Variants in PDLIM5 observed in about 807,000 individuals in gnomAD.
The protein encoded by PDLIM5 is PDZ and LIM domain protein 5.
A neutral mutation model predicts 64.2 loss-of-function variants in PDLIM5; 34 were observed. The ratio of observed to expected loss-of-function variants is 0.53; its 90% CI spans 0.40 to 0.71. The LOEUF (loss-of-function observed/expected upper bound fraction) is 0.71. Ranked by LOEUF, PDLIM5 falls within the 30% of genes least tolerant of loss-of-function variation. PDLIM5 has a pLI of 0.00. For synonymous variants in PDLIM5, 253 were observed against 269.1 expected (o/e 0.94, Z 0.59); for missense variants, 683 against 733.6 (o/e 0.93, Z 0.80).
At chr4:94,452,905 C>G (rs1722992715) in intron 1 of PDLIM5, among the ~76,000 whole-genome samples, 1 of 152,222 alleles carries the variant, frequency 6.6e-6, no homozygotes, top group Non-Finnish European at 1.5e-5. Flanking sequence ...TGCTTTCATC[C>G]TGTGCCTGTG....
chr4:94,529,784 A>C (rs924214048), intron 3 of PDLIM5, among the ~76,000 whole-genome samples: 2 of 152,174 alleles, frequency 1.3e-5, no homozygotes, highest in African/African-American at 4.8e-5. Flanking sequence ...CCTGGCCGTG[A>C]AACTAATTCT....
intron 5 of PDLIM5, among the ~76,000 whole-genome samples, chr4:94,576,967 G>T (rs1453317315): frequency 6.6e-6 from 1 of 152,026 alleles, no homozygotes; most frequent in Non-Finnish European, 1.5e-5. Context: ...GCCGTGAGAG[G>T]TTATGTACAG....
rs908315094 is a variant in PDLIM5, at chr4:94,647,407, A to C, written c.1283+6957A>C. Among the ~76,000 whole-genome samples the C allele has an allele frequency of 1.2e-4, 18 of 152,316 alleles. No individual in the cohort carries two copies. The South Asian group carries it at 3.5e-3, about 30-fold the overall frequency. Reference sequence around the variant, plus strand: ...CAAAAAAAATTACTAGAGACAGAGTAGTACATTTTATAATGATAAAAAGCT... The same window carrying C: ...CAAAAAAAATTACTAGAGACAGAGTCGTACATTTTATAATGATAAAAAGCT... On this transcript the variant is annotated intron_variant, in intron 9 of 12. Coordinates refer to ENST00000317968, the MANE Select transcript of PDLIM5 (RefSeq NM_006457.5).
At chr4:94,526,647 C>A (rs1005141036) in intron 3 of PDLIM5, among the ~76,000 whole-genome samples, 1 of 151,990 alleles carries the variant, frequency 6.6e-6, no homozygotes, top group African/African-American at 2.4e-5. Flanking sequence ...ATCTTTGATT[C>A]TTTTCTATAC....
At chr4:94,596,085 C>T (rs943115326) in intron 7 of PDLIM5, among the ~76,000 whole-genome samples, 6 of 152,110 alleles carry the variant, frequency 3.9e-5, no homozygotes, top group Admixed American at 1.3e-4. Context: ...ATGTAAAGGT[C>T]GCCATCTGTT....
At chr4:94,479,845 A>C (rs1578224564) in intron 2 of PDLIM5, among the ~76,000 whole-genome samples, 1 of 152,036 alleles carries the variant, frequency 6.6e-6, no homozygotes, top group East Asian at 1.9e-4. Context: ...CTGATTTTTT[A>C]ATCTTGGCAG....
chr4:94,600,830 G>A (rs1737431510), intron 7 of PDLIM5, among the ~76,000 whole-genome samples: 1 of 152,088 alleles, frequency 6.6e-6, no homozygotes, highest in African/African-American at 2.4e-5. Flanking sequence ...TATTATATTT[G>A]CATTTTGTAT....
intron 2 of PDLIM5, among the ~76,000 whole-genome samples, chr4:94,463,299 G>A (rs1195616591): frequency 6.6e-6 from 1 of 152,148 alleles, no homozygotes; most frequent in Non-Finnish European, 1.5e-5. Flanking sequence ...AAATCCATGT[G>A]TAACTTTTGA....
intron 7 of PDLIM5, among the ~76,000 whole-genome samples, chr4:94,613,532 A>G (rs563436475): frequency 2.0e-5 from 3 of 152,284 alleles, no homozygotes; most frequent in South Asian, 2.1e-4. Context: ...CTTTTGCTCT[A>G]TTAGTGTACT....
At chr4:94,489,197 G>A (rs1273931798) in intron 2 of PDLIM5, 1 of 152,120 alleles carries the variant, frequency 6.6e-6, no homozygotes, top group African/African-American at 2.4e-5. Flanking sequence ...GAATAGAATG[G>A]CTAATTGAGA....
chr4:94,487,838 G>A (rs1251832249), intron 2 of PDLIM5, among the ~76,000 whole-genome samples: 2 of 152,134 alleles, frequency 1.3e-5, no homozygotes, highest in African/African-American at 2.4e-5. Context: ...CTGGAACAGC[G>A]TTGCTTGGTT....
intron 3 of PDLIM5, among the ~76,000 whole-genome samples, chr4:94,557,374 G>A (rs1733439588): frequency 6.6e-6 from 1 of 152,184 alleles, no homozygotes; most frequent in African/African-American, 2.4e-5. Flanking sequence ...GCTTAGGATT[G>A]ACTTGGCAAT....
intron 2 of PDLIM5, among the ~76,000 whole-genome samples, chr4:94,486,073 G>A (rs1726309041): frequency 2.6e-5 from 4 of 152,054 alleles, no homozygotes; most frequent in African/African-American, 7.2e-5. Flanking sequence ...ATACATCTAA[G>A]TTCTGCCACC....
At chr4:94,614,012 G>A (rs1180357457) in intron 7 of PDLIM5, among the ~76,000 whole-genome samples, 1 of 146,478 alleles carries the variant, frequency 6.8e-6, no homozygotes, top group Non-Finnish European at 1.5e-5. Context: ...CACCAGGCTG[G>A]AGTGCAGTGG....
chr4:94,582,673 C>T lies in PDLIM5; in HGVS notation c.711-2892C>T, dbSNP rs745605580. On this transcript the variant is annotated intron_variant, in intron 5 of 12. Transcript: ENST00000317968. ...CTTCCGGGGAACATCAATGTCTTCT[C>T]TACTCTATCGCATCTTTTTTTGTGT... 2.4e-5 allele frequency: 35 copies of T among 1,430,266 alleles called. No homozygotes were observed. The Admixed American group carries it at 4.5e-4, about 18-fold the overall frequency. The allele number at this position is 1,430,266 out of a possible 1,614,324, so 88.6% of individuals were successfully genotyped here.
rs1743110851 is a variant in PDLIM5, at chr4:94,666,994, CT to C, written c.*2929del. 1 of 152,140 alleles carries C rather than the reference CT, an allele frequency of 6.6e-6. No homozygotes were observed. Among genetic ancestry groups the C allele is most frequent in the Non-Finnish European group, 1.5e-5 (1 of 68,020 alleles). 9.4% of individuals were successfully genotyped at this position (152,140 alleles called of 1,614,324 possible). ...TTAATAACTGGCAGAGCACTTTATTCTTCTGGTGAGCTCCCTGAATATTTAT... is the reference window on the plus strand; with the variant it reads ...TTAATAACTGGCAGAGCACTTTATTCTCTGGTGAGCTCCCTGAATATTTAT... On this transcript the variant is annotated 3_prime_UTR_variant, in exon 13 of 13. Coordinates refer to ENST00000317968, the MANE Select transcript of PDLIM5 (RefSeq NM_006457.5).
At position 94,665,370 on chromosome 4, in the gene PDLIM5, T is replaced by C. The variant is rs1010923763; in HGVS notation, c.*1303T>C. On this transcript the variant is annotated 3_prime_UTR_variant, in exon 13 of 13. Coordinates refer to ENST00000317968, the MANE Select transcript of PDLIM5 (RefSeq NM_006457.5). ...GGTGGGGCGTGCCTGTAGTCCCATG[T>C]ACTTGGGAGGCTGAGGCAGGAAAAT... 3.7e-6 allele frequency: 1 copy of C among 272,822 alleles called. No homozygotes were observed. The highest frequency in any genetic ancestry group is 5.6e-6 in the Non-Finnish European group (1 of 178,722). The allele number at this position is 272,822 out of a possible 1,614,324, so 16.9% of individuals were successfully genotyped here.
chr4:94,622,216 G>A (rs1560747122), intron 8 of PDLIM5, among the ~76,000 whole-genome samples: 1 of 151,386 alleles, frequency 6.6e-6, no homozygotes, highest in Non-Finnish European at 1.5e-5. Context: ...GCTTCCTGAT[G>A]CAAATGAAAA....
chr4:94,594,369 AG>A (rs1183062218), intron 7 of PDLIM5, among the ~76,000 whole-genome samples: 1 of 152,136 alleles, frequency 6.6e-6, no homozygotes, highest in Non-Finnish European at 1.5e-5. Context: ...TAGGTATATG[AG>A]ATGCTTAGTT....
Sources: allele counts gnomAD v4.1 joint callset (sites outside exome capture counted in the v4.1 genomes callset), GRCh38; gene constraint gnomAD v4.1.1; transcripts MANE v1.5; gene names NCBI Gene and HGNC (gene_info 2026-07-23, HGNC 2026-07-21).